Variants in NELFB observed in about 807,000 individuals in gnomAD.
NELFB encodes the protein negative elongation factor B.
A neutral mutation model predicts 60.2 loss-of-function variants in NELFB; 34 were observed. That is an observed-to-expected ratio of 0.56 (90% CI 0.43 to 0.75). The LOEUF (loss-of-function observed/expected upper bound fraction) is 0.75. Ranked by LOEUF, NELFB falls within the 30% of genes least tolerant of loss-of-function variation. The pLI is 0.00. For missense variants in NELFB, 770 were observed against 831.6 expected (o/e 0.93, Z 0.91); for synonymous variants, 459 against 382.1 (o/e 1.20, Z -2.35).
In NELFB at chr9:137,273,061, A is replaced by G. The variant is rs1830604814; in HGVS notation, c.*133A>G. On this transcript the variant is annotated 3_prime_UTR_variant, in exon 13 of 13. Coordinates refer to ENST00000343053, the MANE Select transcript of NELFB (RefSeq NM_015456.5). ...CTATGGCTGGGCCTGTCCTGCCGTC[A>G]TGGCCCCCTGCTTCCTGCTCCTTGG... The G allele has an allele frequency of 2.0e-6, 2 of 1,021,952 alleles. No homozygotes were observed. Among genetic ancestry groups the G allele is most frequent in the Non-Finnish European group, 2.7e-6 (2 of 736,072 alleles). 63.3% of individuals were successfully genotyped at this position (1,021,952 alleles called of 1,614,324 possible).
intron 5 of NELFB, among the ~76,000 whole-genome samples, chr9:137,263,606 C>T (rs374768878): frequency 3.5e-4 from 53 of 151,576 alleles, no homozygotes; most frequent in African/African-American, 1.2e-3. Flanking sequence ...GTTTCCTGGG[C>T]TCTGGTCTTT....
In NELFB at chr9:137,265,031, CTTTTTTTTTT is replaced by C. The variant is rs60479210; in HGVS notation, c.1040+688_1040+697del. Among the ~76,000 whole-genome samples the C allele has an allele frequency of 8.7e-5, 11 of 126,174 alleles. No homozygotes were observed. The South Asian group carries it at 1.1e-3, about 12-fold the overall frequency. 82.8% of individuals were successfully genotyped at this position (126,174 alleles called of 152,430 possible). ...CCTGCCTTTGCCACTTTTTTTCTTC[CTTTTTTTTTT>C]TTTTTTTTTTTTTCTGAGACAGGGT... On this transcript the variant is annotated intron_variant, in intron 6 of 12. Transcript: ENST00000343053.
chr9:137,270,881 T>C (rs1830576426), intron 10 of NELFB, among the ~76,000 whole-genome samples: 1 of 152,256 alleles, frequency 6.6e-6, no homozygotes, highest in South Asian at 2.1e-4. Flanking sequence ...ATTGCACCGC[T>C]GCACTCCAGC....
chr9:137,272,607 A>G lies in NELFB; in HGVS notation c.1732A>G (p.Thr578Ala), dbSNP rs1450228626. The stretch of plus-strand genomic sequence containing the variant: ...GGCGTTGCAGAAGGCCCTGGAGCCT[A>G]CAGGCCAGGTGGGTGCCCGGGGGGG... Residue 578 changes from threonine (T) to alanine (A), a missense_variant, in exon 12 of 13, where the codon ACA becomes GCA. Coordinates refer to ENST00000343053, the MANE Select transcript of NELFB (RefSeq NM_015456.5). 2 of 1,598,288 alleles carry G rather than the reference A, an allele frequency of 1.3e-6. No individual in the cohort carries two copies. Among genetic ancestry groups the G allele is most frequent in the African/African-American group, 1.3e-5 (1 of 74,532 alleles).
intron 5 of NELFB, among the ~76,000 whole-genome samples, chr9:137,264,003 GC>G (rs1436065969): frequency 6.6e-6 from 1 of 152,220 alleles, no homozygotes; most frequent in Non-Finnish European, 1.5e-5. Context: ...CACTCAGGGT[GC>G]CATGAAGGAG....
intron 11 of NELFB, 89 bp downstream of exon 11, chr9:137,272,311 G>A: frequency 6.4e-7 from 1 of 1,572,440 alleles, no homozygotes; most frequent in South Asian, 1.2e-5. Context: ...CCCAGCCTGG[G>A]GCGGAGGGTC....
At position 137,269,982 on chromosome 9, in the gene NELFB, A is replaced by AT. The variant is rs1004515670; in HGVS notation, c.1490-2095dup. Among the ~76,000 whole-genome samples, 1 of 152,136 alleles carries AT rather than the reference A, an allele frequency of 6.6e-6. No homozygotes were observed. The highest frequency in any genetic ancestry group is 1.5e-5 in the Non-Finnish European group (1 of 68,032). ...AATTCTCTCCTGTTTATTTTTTAAC[A>AT]TTTTGTGGTGGGAATTTGTGAAAGA... On this transcript the variant is annotated intron_variant, in intron 10 of 12. Coordinates refer to ENST00000343053, the MANE Select transcript of NELFB (RefSeq NM_015456.5). This position sits in a 1 kb window ranked among gnomAD's most constrained non-coding sequence, Gnocchi z 5.3.
In NELFB at chr9:137,272,536, G is replaced by A. The variant is rs139533873; in HGVS notation, c.1661G>A (p.Arg554Gln). 3.7e-5 allele frequency: 59 copies of A among 1,612,360 alleles called. No homozygotes were observed. The highest frequency in any genetic ancestry group is 9.3e-5 in the African/African-American group (7 of 74,936). ...GAGAACGTGCACCGGCACGCGCTGC[G>A]GCTCCTCATTCACCTGCACCCCAGG... is the stretch of plus-strand genomic sequence containing the variant. The change falls in exon 12 of 13, where the codon CGG becomes CAG. Residue 554 changes from arginine to glutamine, a missense_variant. By Grantham distance (43) the Arg-to-Gln change is conservative (BLOSUM62 1). Coordinates refer to ENST00000343053, the MANE Select transcript of NELFB (RefSeq NM_015456.5).
At chr9:137,267,490 C>CTT (rs1174937800) in intron 10 of NELFB, 144 bp downstream of exon 10, 1,656 of 438,646 alleles carry the variant, frequency 3.8e-3, no homozygotes, top group South Asian at 5.5e-3. Flanking sequence ...TTGTTTTCAC[C>CTT]TTTTTTTTTT....
intron 6 of NELFB, among the ~76,000 whole-genome samples, chr9:137,265,054 T>TTTTTTTTTTTTTC (rs1554791518): frequency 8.8e-6 from 1 of 114,034 alleles, no homozygotes; most frequent in Non-Finnish European, 2.0e-5. Flanking sequence ...TTTTTTTTTT[T>TTTTTTTTTTTTTC]CTGAGACAGG....
intron 10 of NELFB, among the ~76,000 whole-genome samples, chr9:137,270,691 C>T (rs1003244304): frequency 1.1e-4 from 16 of 152,186 alleles, no homozygotes; most frequent in African/African-American, 3.1e-4. Flanking sequence ...GAGGCCGAGG[C>T]GGGCGGATCA....
In NELFB at chr9:137,272,886, G is replaced by A; in HGVS notation, c.1845G>A (p.Leu615=). The change falls in exon 13 of 13, where the codon CTG becomes CTA. Residue 615 remains leucine (L), a synonymous_variant. Transcript: ENST00000343053. ...CACAGGCTGCGGAGACGCCGGCCCT[G>A]GAGCTGCCCCTCCCCAGCGTGCCCG... 6.5e-7 allele frequency: 1 copy of A among 1,546,708 alleles called. No individual in the cohort carries two copies. The highest frequency in any genetic ancestry group is 1.2e-5 in the South Asian group (1 of 83,768).
intron 4 of NELFB, among the ~76,000 whole-genome samples, chr9:137,260,673 G>A (rs1030221659): frequency 3.3e-5 from 5 of 151,474 alleles, no homozygotes; most frequent in South Asian, 4.2e-4. Context: ...GGCTGTTCTC[G>A]AACTCCTGGC....
chr9:137,263,518 CT>C lies in NELFB; in HGVS notation c.927+297del, dbSNP rs555190287. On this transcript the variant is annotated intron_variant, in intron 5 of 12. Coordinates refer to ENST00000343053, the MANE Select transcript of NELFB (RefSeq NM_015456.5). ...GTAGCATTGCCCTCCCTCCTTCCCCCTGGCCCTCCTGGCTCCTCTCCTCTCC... is the reference window on the plus strand; with the variant it reads ...GTAGCATTGCCCTCCCTCCTTCCCCCGGCCCTCCTGGCTCCTCTCCTCTCC... Among the ~76,000 whole-genome samples the C allele has an allele frequency of 7.5e-3, 1,122 of 149,168 alleles. 17 individuals are homozygous for C. Among genetic ancestry groups the C allele is most frequent in the African/African-American group, 0.026 (1,058 of 40,008 alleles).
At position 137,267,179 on chromosome 9, in the gene NELFB, TGTGGGGCTGAG is replaced by T. The variant is rs33923321; in HGVS notation, c.1383-28_1383-18del. On this transcript the variant is annotated intron_variant, in intron 9 of 12. Transcript: ENST00000343053. ...TGCCTCAGGGCTGGGCAGGGGTCGG[TGTGGGGCTGAG>T]GTGGGGCTGAGGTGGGGCTGAGGTG... 2.1e-3 allele frequency: 3,012 copies of T among 1,423,702 alleles called. 45 individuals carry two copies. The African/African-American group carries it at 0.054, about 25-fold the overall frequency. The allele number at this position is 1,423,702 out of a possible 1,614,324, so 88.2% of individuals were successfully genotyped here.
chr9:137,256,675 C>CA, intron 3 of NELFB, 149 bp from the exon 4 acceptor site: 3 of 764,540 alleles, frequency 3.9e-6, no homozygotes, highest in Non-Finnish European at 6.3e-6. Flanking sequence ...GTCTGTCTGA[C>CA]ATGCTGGGGC....
intron 4 of NELFB, 140 bp from the exon 5 acceptor site, chr9:137,262,897 T>A: frequency 1.3e-6 from 1 of 787,376 alleles, no homozygotes. Context: ...CAATATTTAA[T>A]GAGAGGAGGG....
chr9:137,265,700 G>A (rs1043374998), intron 6 of NELFB, among the ~76,000 whole-genome samples, 177 bp from the exon 7 acceptor site: 3 of 130,964 alleles, frequency 2.3e-5, no homozygotes. Context: ...CAAAGTGCTG[G>A]GATGACAGGC....
chr9:137,256,345 G>A lies in NELFB; in HGVS notation c.427G>A (p.Asp143Asn). The A allele has an allele frequency of 6.2e-7, 1 of 1,614,048 alleles. No individual in the cohort carries two copies. Among genetic ancestry groups the A allele is most frequent in the South Asian group, 1.1e-5 (1 of 91,086 alleles). The change falls in exon 3 of 13, where the codon GAC becomes AAC. Residue 143 changes from aspartate to asparagine, a missense_variant. Transcript: ENST00000343053. Reference sequence around the variant, plus strand: ...TTGTTCCAGGTACAAGAAGCTGGAAGACCTTCTGGAGAAGAGCTTTTCTCT... The same window carrying A: ...TTGTTCCAGGTACAAGAAGCTGGAAAACCTTCTGGAGAAGAGCTTTTCTCT...
Sources: allele counts gnomAD v4.1 joint callset (sites outside exome capture counted in the v4.1 genomes callset), GRCh38; gene constraint gnomAD v4.1.1; non-coding constraint Gnocchi (gnomAD v3.1); transcripts MANE v1.5; gene names NCBI Gene and HGNC (gene_info 2026-07-23, HGNC 2026-07-21).